The following CTNNA3 variants were observed in gnomAD, a reference collection of about 807,000 sequenced individuals.
CTNNA3 encodes the protein catenin alpha 3.
Under a neutral mutation model 95.7 loss-of-function variants are expected in CTNNA3, and 76 were observed. The observed-to-expected ratio is 0.79, with a 90% confidence interval of 0.66 to 0.96. The LOEUF (loss-of-function observed/expected upper bound fraction) is 0.96. Among genes scored for constraint, CTNNA3 ranks in the 40% least tolerant of loss-of-function variants. CTNNA3 has a pLI of 0.00. For synonymous variants in CTNNA3, 431 were observed against 374.4 expected (o/e 1.15, Z -1.74); for missense variants, 1,191 against 1,089.8 (o/e 1.09, Z -1.31).
Position 66,498,835 on chromosome 10 carries a change from C to T in CTNNA3, c.1531+21782G>A, listed in dbSNP as rs571822270. Among the ~76,000 whole-genome samples the T allele has an allele frequency of 1.1e-4, 16 of 152,328 alleles. No homozygotes were observed. In the South Asian group the frequency reaches 3.3e-3, roughly 32 times the overall value. On this transcript the variant is annotated intron_variant, in intron 11 of 17. Coordinates refer to ENST00000433211, the MANE Select transcript of CTNNA3 (RefSeq NM_013266.4). ...CAGTCTAACTAGAATAGTTATGCTA[C>T]ATACATACATCTGGCTTTGCTCTAA...
chr10:67,065,534 A>C (rs1274909984), intron 7 of CTNNA3, among the ~76,000 whole-genome samples: 2 of 152,108 alleles, frequency 1.3e-5, no homozygotes, highest in Non-Finnish European at 2.9e-5. Flanking sequence ...TCCTGGGCCC[A>C]CAGGAAGTAT....
chr10:67,534,827 A>G (rs1018748093), intron 4 of CTNNA3, among the ~76,000 whole-genome samples: 10 of 152,178 alleles, frequency 6.6e-5, no homozygotes, highest in Admixed American at 6.5e-4. Flanking sequence ...TGAGCTCCCA[A>G]GGAATTTGCA....
chr10:66,432,521 A>G (rs541910789), intron 11 of CTNNA3, among the ~76,000 whole-genome samples: 2 of 152,040 alleles, frequency 1.3e-5, no homozygotes, highest in African/African-American at 2.4e-5. Context: ...AGCCGGGCGT[A>G]GTGGTGGCAG....
chr10:66,631,299 C>T (rs949723850), intron 9 of CTNNA3, among the ~76,000 whole-genome samples: 1 of 152,026 alleles, frequency 6.6e-6, no homozygotes, highest in African/African-American at 2.4e-5. Context: ...TAACTGATAA[C>T]AAAATTAGAC....
chr10:66,424,935 G>A (rs1472291193), intron 11 of CTNNA3, among the ~76,000 whole-genome samples: 1 of 151,960 alleles, frequency 6.6e-6, no homozygotes, highest in Non-Finnish European at 1.5e-5. Context: ...GTGCAACAAA[G>A]CAAGACCCAT....
chr10:66,160,719 A>T (rs1026252085), intron 13 of CTNNA3, among the ~76,000 whole-genome samples: 1 of 152,006 alleles, frequency 6.6e-6, no homozygotes, highest in Non-Finnish European at 1.5e-5. Context: ...TATAGTTTTA[A>T]TTCATTGTTT....
At chr10:67,061,049 C>G (rs1195099024) in intron 7 of CTNNA3, among the ~76,000 whole-genome samples, 1 of 151,888 alleles carries the variant, frequency 6.6e-6, no homozygotes, top group African/African-American at 2.4e-5. Context: ...TATTTTAATA[C>G]ACTTGAAATA....
intron 11 of CTNNA3, among the ~76,000 whole-genome samples, chr10:66,444,439 C>T (rs563590112): frequency 3.9e-5 from 6 of 152,162 alleles, no homozygotes; most frequent in Non-Finnish European, 5.9e-5. Context: ...GTTGGGTTAC[C>T]CACAAAGGGA....
In CTNNA3 at chr10:66,069,292, T is replaced by C; in HGVS notation, c.2159+16A>G. On this transcript the variant is annotated intron_variant, in intron 15 of 17. Transcript: ENST00000433211. Reference sequence around the variant, plus strand: ...CAGCCATTATGAATATTACACATCGTTTTCCACATAATTACCTAGTGAAGT... The same window carrying C: ...CAGCCATTATGAATATTACACATCGCTTTCCACATAATTACCTAGTGAAGT... The C allele has an allele frequency of 6.2e-7, 1 of 1,610,308 alleles. No homozygotes were observed. Among genetic ancestry groups the C allele is most frequent in the Non-Finnish European group, 8.5e-7 (1 of 1,177,096 alleles).
In CTNNA3 at chr10:65,946,488, A is replaced by T. The variant is rs190599621; in HGVS notation, c.2400+20124T>A. Reference sequence around the variant, plus strand: ...AGCATATGCTAGCAAAGCGTTAGTTATTATCTGGATCTCTACTTACACTAC... The same window carrying T: ...AGCATATGCTAGCAAAGCGTTAGTTTTTATCTGGATCTCTACTTACACTAC... On this transcript the variant is annotated intron_variant, in intron 17 of 17. Coordinates refer to ENST00000433211, the MANE Select transcript of CTNNA3 (RefSeq NM_013266.4). Among the ~76,000 whole-genome samples the T allele has an allele frequency of 1.9e-4, 29 of 152,110 alleles. 1 individual carries two copies. The highest frequency in any genetic ancestry group is 6.5e-4 in the African/African-American group (27 of 41,442).
At chr10:67,463,716 T>C (rs1377197305) in intron 5 of CTNNA3, among the ~76,000 whole-genome samples, 6 of 152,224 alleles carry the variant, frequency 3.9e-5, no homozygotes, top group Admixed American at 1.3e-4. Context: ...CAGGGGTTAG[T>C]AAATTTTCTC....
chr10:66,166,316 A>C (rs1372871436), intron 13 of CTNNA3, among the ~76,000 whole-genome samples: 2 of 151,778 alleles, frequency 1.3e-5, no homozygotes, highest in Non-Finnish European at 2.9e-5. Context: ...ACTAATGGTG[A>C]AACCGGTGTC....
intron 15 of CTNNA3, among the ~76,000 whole-genome samples, chr10:66,020,961 C>T (rs2079192973): frequency 1.3e-5 from 2 of 152,198 alleles, no homozygotes; most frequent in Non-Finnish European, 2.9e-5. Flanking sequence ...ACGTGAGCCA[C>T]TGCATCCGGC....
At chr10:66,728,029 A>T (rs1342470404) in intron 9 of CTNNA3, among the ~76,000 whole-genome samples, 1 of 152,212 alleles carries the variant, frequency 6.6e-6, no homozygotes, top group Non-Finnish European at 1.5e-5. Flanking sequence ...TCACTAAATG[A>T]AGGGCGTATT....
chr10:66,661,720 AC>A (rs1386759602), intron 9 of CTNNA3, among the ~76,000 whole-genome samples: 2 of 152,144 alleles, frequency 1.3e-5, no homozygotes, highest in Non-Finnish European at 2.9e-5. Context: ...TGGAAGGCTA[AC>A]TTTTATTAGC....
intron 12 of CTNNA3, among the ~76,000 whole-genome samples, chr10:66,360,755 C>T (rs1455856379): frequency 1.8e-4 from 19 of 103,316 alleles, no homozygotes; most frequent in African/African-American, 4.9e-4. Flanking sequence ...TTCCTTCCTT[C>T]CTTCCTTCCT....
intron 6 of CTNNA3, among the ~76,000 whole-genome samples, chr10:67,200,793 A>G (rs1212365053): frequency 6.6e-6 from 1 of 152,200 alleles, no homozygotes; most frequent in African/African-American, 2.4e-5. Context: ...TAATGTGAAC[A>G]CCATACACAT....
At chr10:67,013,497 C>T (rs559381598) in intron 7 of CTNNA3, among the ~76,000 whole-genome samples, 15 of 152,260 alleles carry the variant, frequency 9.9e-5, no homozygotes, top group Admixed American at 8.5e-4. Flanking sequence ...AGTCCATTCA[C>T]GTGCTGTGCA....
intron 7 of CTNNA3, among the ~76,000 whole-genome samples, chr10:67,144,639 T>G (rs1036540400): frequency 6.6e-6 from 1 of 152,204 alleles, no homozygotes; most frequent in Non-Finnish European, 1.5e-5. Flanking sequence ...GGCTTCAGAC[T>G]TTTCTTGGGC....
Sources: allele counts gnomAD v4.1 joint callset (sites outside exome capture counted in the v4.1 genomes callset), GRCh38; gene constraint gnomAD v4.1.1; transcripts MANE v1.5; gene names NCBI Gene and HGNC (gene_info 2026-07-23, HGNC 2026-07-21).